CTNND2: variants seen among roughly 807,000 people sequenced by gnomAD.
CTNND2 encodes the protein catenin delta 2.
In CTNND2, 22 loss-of-function variants were observed where a neutral mutation model predicts 144.4. That is an observed-to-expected ratio of 0.15 (90% confidence interval 0.11 to 0.22). The LOEUF (loss-of-function observed/expected upper bound fraction) is 0.22, where lower values mean the gene tolerates loss of function less well. Among genes scored for constraint, CTNND2 ranks in the 10% least tolerant of loss-of-function variants. CTNND2 has a pLI of 1.00. For synonymous variants in CTNND2, 751 were observed against 695.6 expected (o/e 1.08, Z -1.25); for missense variants, 1,353 against 1,618.8 (o/e 0.84, Z 2.82).
intron 16 of CTNND2, among the ~76,000 whole-genome samples, chr5:11,038,242 T>G (rs561033070): frequency 2.6e-5 from 4 of 152,208 alleles, no homozygotes; most frequent in African/African-American, 9.6e-5. Flanking sequence ...CATGGCCTGT[T>G]AGGAACCAGG....
chr5:10,983,296 T>C (rs1046166247), intron 20 of CTNND2, among the ~76,000 whole-genome samples: 1 of 143,900 alleles, frequency 6.9e-6, no homozygotes, highest in African/African-American at 2.5e-5. Flanking sequence ...ATTCATAAAT[T>C]TTTTTTTAAA....
At chr5:11,263,050 T>C (rs1159434992) in intron 9 of CTNND2, among the ~76,000 whole-genome samples, 1 of 152,164 alleles carries the variant, frequency 6.6e-6, no homozygotes, top group Non-Finnish European at 1.5e-5. Flanking sequence ...CCCACATAAG[T>C]GCAACTTTCA....
chr5:11,236,510 G>A (rs1432786613), intron 10 of CTNND2, among the ~76,000 whole-genome samples, 181 bp downstream of exon 10: 5 of 152,116 alleles, frequency 3.3e-5, no homozygotes, highest in Non-Finnish European at 7.3e-5. Context: ...AAAAAACGAA[G>A]AATGCATGAA....
At chr5:11,010,006 G>A (rs1421031817) in intron 18 of CTNND2, among the ~76,000 whole-genome samples, 3 of 152,218 alleles carry the variant, frequency 2.0e-5, no homozygotes, top group Non-Finnish European at 4.4e-5. Context: ...TGGTAGCTGA[G>A]TTTAACCTTA....
chr5:11,732,318 AAACAGGTAC>A, intron 1 of CTNND2, 46 bp from the exon 2 acceptor site: 2 of 1,580,776 alleles, frequency 1.3e-6, no homozygotes, highest in Non-Finnish European at 8.7e-7. Flanking sequence ...TGTTGACACT[AAACAGGTAC>A]AACTATCAGA....
chr5:11,096,844 A>G (rs1191442196), intron 15 of CTNND2, among the ~76,000 whole-genome samples: 1 of 152,136 alleles, frequency 6.6e-6, no homozygotes, highest in Non-Finnish European at 1.5e-5. Context: ...TTAAGATGGC[A>G]CACCTGATTT....
In CTNND2 at chr5:11,791,470, C is replaced by G. The variant is rs139947602; in HGVS notation, c.38-59198G>C. The stretch of plus-strand genomic sequence containing the variant: ...GCTAGAACAAATGGAAGGAAATGGC[C>G]GAAAGGGTCAGAGAATAAATGGCAT... On this transcript the variant is annotated intron_variant, in intron 1 of 21. Transcript: ENST00000304623. Among the ~76,000 whole-genome samples the G allele has an allele frequency of 1.1e-3, 170 of 152,024 alleles. 1 individual carries two copies. Among genetic ancestry groups the G allele is most frequent in the African/African-American group, 3.9e-3 (162 of 41,446 alleles).
At chr5:11,361,337 A>G (rs1351028062) in intron 8 of CTNND2, among the ~76,000 whole-genome samples, 1 of 152,034 alleles carries the variant, frequency 6.6e-6, no homozygotes, top group African/African-American at 2.4e-5. Flanking sequence ...TTTATTTTTA[A>G]TAGAGATAGG....
intron 3 of CTNND2, among the ~76,000 whole-genome samples, chr5:11,469,256 TC>T (rs1249149447): frequency 6.6e-6 from 1 of 152,132 alleles, no homozygotes; most frequent in African/African-American, 2.4e-5. Context: ...TTTCCTTTTT[TC>T]CCCCTGGAAA....
chr5:11,280,955 G>A (rs1024433815), intron 9 of CTNND2, among the ~76,000 whole-genome samples: 1 of 152,096 alleles, frequency 6.6e-6, no homozygotes, highest in African/African-American at 2.4e-5. Context: ...GCCCTGGGTT[G>A]GGAGAAAGCC....
chr5:11,598,407 G>C (rs1483608178), intron 2 of CTNND2, among the ~76,000 whole-genome samples: 1 of 152,096 alleles, frequency 6.6e-6, no homozygotes, highest in East Asian at 1.9e-4. Flanking sequence ...CTCCAGGGGG[G>C]TCTCCTACCC....
chr5:11,316,088 A>T (rs1751443396), intron 9 of CTNND2, among the ~76,000 whole-genome samples: 1 of 152,240 alleles, frequency 6.6e-6, no homozygotes, highest in Non-Finnish European at 1.5e-5. Context: ...AGACCTAAAT[A>T]AAAGGCTACA....
At position 11,752,496 on chromosome 5, in the gene CTNND2, T is replaced by C. The variant is rs1057014989; in HGVS notation, c.38-20224A>G. Among the ~76,000 whole-genome samples, 5 of 151,936 alleles carry C rather than the reference T, an allele frequency of 3.3e-5. No homozygotes were observed. In the East Asian group the frequency reaches 9.7e-4, roughly 29 times the overall value. On this transcript the variant is annotated intron_variant, in intron 1 of 21. Transcript: ENST00000304623. ...ATTAGATGGTTGCAGGTATCTGGCT[T>C]TATTTCTGGGCTCTCTATTCTGTTC...
intron 1 of CTNND2, among the ~76,000 whole-genome samples, chr5:11,870,442 T>G (rs4701924): frequency 0.22 from 33,445 of 152,180 alleles, 4,011 homozygotes; most frequent in Non-Finnish European, 0.27. Context: ...GAATGACAGG[T>G]ACACTCATGA....
intron 3 of CTNND2, among the ~76,000 whole-genome samples, chr5:11,495,245 T>C (rs552646355): frequency 2.4e-4 from 36 of 152,330 alleles, no homozygotes; most frequent in South Asian, 1.7e-3. Context: ...CCTTTATTAA[T>C]TATCGAAATA....
At chr5:11,506,192 A>G (rs976906175) in intron 3 of CTNND2, among the ~76,000 whole-genome samples, 7 of 152,146 alleles carry the variant, frequency 4.6e-5, no homozygotes, top group Non-Finnish European at 8.8e-5. Flanking sequence ...TTAGGGGGCT[A>G]TCATAGGAGA....
intron 3 of CTNND2, among the ~76,000 whole-genome samples, chr5:11,453,318 T>TCAA (rs1765451141): frequency 6.6e-6 from 1 of 152,202 alleles, no homozygotes; most frequent in Non-Finnish European, 1.5e-5. Context: ...ATCCATGTTA[T>TCAA]CAACAATGAC....
At chr5:11,837,750 CAA>C (rs1224627646) in intron 1 of CTNND2, among the ~76,000 whole-genome samples, 1 of 151,974 alleles carries the variant, frequency 6.6e-6, no homozygotes, top group Non-Finnish European at 1.5e-5. Flanking sequence ...TCGAAAAAAA[CAA>C]AGGTTTTTTT....
intron 9 of CTNND2, among the ~76,000 whole-genome samples, chr5:11,244,190 C>CT (rs1486401484): frequency 4.6e-5 from 7 of 151,332 alleles, no homozygotes. Context: ...CCAAAGAGAA[C>CT]TTATTCAACA....
Sources: allele counts gnomAD v4.1 joint callset (sites outside exome capture counted in the v4.1 genomes callset), GRCh38; gene constraint gnomAD v4.1.1; transcripts MANE v1.5; gene names NCBI Gene and HGNC (gene_info 2026-07-23, HGNC 2026-07-21).